Variants in GLIS3 observed in about 807,000 individuals in gnomAD.
GLIS3 encodes the protein GLIS family zinc finger 3, also known as zinc finger protein GLIS3.
In GLIS3, 53 loss-of-function variants were observed where a neutral mutation model predicts 78.6. The observed-to-expected ratio is 0.67, with a 90% CI of 0.54 to 0.85. The LOEUF (loss-of-function observed/expected upper bound fraction) is 0.85, where lower values mean the gene tolerates loss of function less well. Among genes scored for constraint, GLIS3 ranks in the 40% least tolerant of loss-of-function variants. GLIS3 has a pLI of 0.00. For missense variants in GLIS3, 1,703 were observed against 1,231.1 expected, an observed-to-expected ratio of 1.38 and a Z score of -5.74; for synonymous variants, 684 against 509.9, an observed-to-expected ratio of 1.34 and a Z score of -4.60.
At chr9:4,016,622 T>C (rs1156925510) in intron 4 of GLIS3, among the ~76,000 whole-genome samples, 1 of 152,190 alleles carries the variant, frequency 6.6e-6, no homozygotes, top group East Asian at 1.9e-4. Flanking sequence ...AATAACTGCC[T>C]TTGCCCACTC....
intron 2 of GLIS3, among the ~76,000 whole-genome samples, chr9:4,343,914 TGA>T (rs1386475741): frequency 1.3e-5 from 2 of 151,986 alleles, no homozygotes; most frequent in Non-Finnish European, 2.9e-5. Context: ...GGGGCCTACC[TGA>T]GAGTGGAGGG....
intron 2 of GLIS3, among the ~76,000 whole-genome samples, chr9:4,247,644 C>G (rs189874482): frequency 1.9e-3 from 294 of 151,882 alleles, no homozygotes; most frequent in African/African-American, 5.9e-3. Flanking sequence ...AAGATACAGA[C>G]AATTCAGTAA....
At chr9:4,102,453 T>C (rs1157223027) in intron 4 of GLIS3, among the ~76,000 whole-genome samples, 2 of 152,188 alleles carry the variant, frequency 1.3e-5, no homozygotes. Context: ...TCAGTGTTTC[T>C]CAACCAGGGG....
At chr9:4,081,934 T>C (rs1323239373) in intron 4 of GLIS3, among the ~76,000 whole-genome samples, 11 of 152,256 alleles carry the variant, frequency 7.2e-5, no homozygotes, top group Admixed American at 7.2e-4. Flanking sequence ...CTGTTCATTA[T>C]GATCACTAAA....
chr9:4,013,744 TAG>T (rs1822220682), intron 4 of GLIS3, among the ~76,000 whole-genome samples: 1 of 152,208 alleles, frequency 6.6e-6, no homozygotes, highest in Admixed American at 6.5e-5. Context: ...CTTGAGTTAA[TAG>T]AGTCTGAGGG....
chr9:4,383,821 A>G, the GLIS3 span, among the ~76,000 whole-genome samples: 1 of 152,214 alleles, frequency 6.6e-6, no homozygotes, highest in African/African-American at 2.4e-5. Context: ...AGAAGTTTAC[A>G]TTTTAATTAA....
intron 1 of GLIS3, among the ~76,000 whole-genome samples, chr9:4,293,477 C>T (rs1010994332): frequency 6.6e-6 from 1 of 152,186 alleles, no homozygotes; most frequent in Non-Finnish European, 1.5e-5. Flanking sequence ...GGCCCTTAAC[C>T]AACATGACAA....
intron 2 of GLIS3, among the ~76,000 whole-genome samples, chr9:4,336,517 T>TA (rs1817760050): frequency 2.0e-5 from 3 of 152,078 alleles, no homozygotes; most frequent in African/African-American, 4.8e-5. Flanking sequence ...ATATCACCCT[T>TA]TCTCTTGGCA....
At chr9:4,358,147 T>G in the GLIS3 span, among the ~76,000 whole-genome samples, 1 of 152,288 alleles carries the variant, frequency 6.6e-6, no homozygotes, top group African/African-American at 2.4e-5. Flanking sequence ...TATGTATATA[T>G]GTGTATGTGT....
At chr9:3,853,384 G>C (rs1588088759) in intron 9 of GLIS3, among the ~76,000 whole-genome samples, 1 of 151,994 alleles carries the variant, frequency 6.6e-6, no homozygotes, top group Non-Finnish European at 1.5e-5. Context: ...TTCATTTGTT[G>C]AATGAGGGAG....
At chr9:4,171,899 G>A (rs1189614659) in intron 2 of GLIS3, among the ~76,000 whole-genome samples, 1 of 152,132 alleles carries the variant, frequency 6.6e-6, no homozygotes, top group African/African-American at 2.4e-5. Flanking sequence ...GTCATTTAAA[G>A]GGAAACCAAT....
At chr9:3,851,019 C>A (rs1185925483) in intron 9 of GLIS3, among the ~76,000 whole-genome samples, 1 of 152,232 alleles carries the variant, frequency 6.6e-6, no homozygotes, top group Non-Finnish European at 1.5e-5. Flanking sequence ...GATTAAATGA[C>A]ATTCATGTTT....
At chr9:3,859,255 A>G (rs2130271207) in intron 8 of GLIS3, among the ~76,000 whole-genome samples, 1 of 152,238 alleles carries the variant, frequency 6.6e-6, no homozygotes, top group East Asian at 1.9e-4. Flanking sequence ...ACTAAGCAAA[A>G]ATAAACTGTT....
chr9:4,290,133 T>C (rs572443094), intron 1 of GLIS3, among the ~76,000 whole-genome samples: 1 of 152,276 alleles, frequency 6.6e-6, no homozygotes, highest in South Asian at 2.1e-4. Flanking sequence ...CCTTTCTTAG[T>C]AAATATCATT....
chr9:4,361,475 G>A, the GLIS3 span, among the ~76,000 whole-genome samples: 2 of 152,184 alleles, frequency 1.3e-5, no homozygotes, highest in Admixed American at 6.5e-5. Context: ...AAATACAATA[G>A]GGTTGACCCC....
chr9:3,870,835 A>G (rs1158289750), intron 8 of GLIS3, among the ~76,000 whole-genome samples: 2 of 152,234 alleles, frequency 1.3e-5, no homozygotes, highest in African/African-American at 4.8e-5. Flanking sequence ...ATGTCCTCAC[A>G]TTTCAAAACC....
chr9:4,224,877 C>A (rs541512634), intron 2 of GLIS3, among the ~76,000 whole-genome samples: 1 of 152,098 alleles, frequency 6.6e-6, no homozygotes, highest in African/African-American at 2.4e-5. Flanking sequence ...AATATACCAA[C>A]CAATGTAATG....
chr9:4,161,610 T>C (rs1294992365), intron 2 of GLIS3, among the ~76,000 whole-genome samples: 2 of 151,134 alleles, frequency 1.3e-5, no homozygotes, highest in Admixed American at 6.6e-5. Flanking sequence ...GTAACAAAAG[T>C]ACAACAAACT....
At chr9:3,861,192 G>A (rs1820189137) in intron 8 of GLIS3, among the ~76,000 whole-genome samples, 3 of 152,196 alleles carry the variant, frequency 2.0e-5, no homozygotes, top group African/African-American at 7.2e-5. Flanking sequence ...TGTGGTCCCA[G>A]CAATGTATTA....
Sources: allele counts gnomAD v4.1 joint callset (sites outside exome capture counted in the v4.1 genomes callset), GRCh38; gene constraint gnomAD v4.1.1; transcripts MANE v1.5; gene names NCBI Gene and HGNC (gene_info 2026-07-23, HGNC 2026-07-21).